Variants in SELENOF observed in about 807,000 individuals in gnomAD.
SELENOF encodes 15 kDa selenoprotein.
SELENOF carries 16 observed loss-of-function variants against 20.5 expected under a neutral mutation model. That is an observed-to-expected ratio of 0.78 (90% confidence interval 0.53 to 1.19). SELENOF has a LOEUF of 1.19. SELENOF is among the 50% of genes most tolerant of loss of function. The pLI, the probability that SELENOF is intolerant of heterozygous loss-of-function variation, is 0.00. For missense variants in SELENOF, 215 were observed against 194.2 expected, an observed-to-expected ratio of 1.11 and a Z score of -0.64; for synonymous variants, 78 against 74.5, an observed-to-expected ratio of 1.05 and a Z score of -0.24.
chr1:86,883,665 A>G (rs1335840649), intron 2 of SELENOF, among the ~76,000 whole-genome samples: 1 of 152,158 alleles, frequency 6.6e-6, no homozygotes, highest in Non-Finnish European at 1.5e-5. Context: ...ACCTTACCTA[A>G]TAATATTTCT....
upstream of SELENOF, chr1:86,914,366 A>C (rs1336549169): frequency 1.9e-6 from 1 of 530,798 alleles, no homozygotes; most frequent in African/African-American, 1.9e-5. Context: ...TATTCACGAC[A>C]CTTCGTCAAG....
intron 2 of SELENOF, among the ~76,000 whole-genome samples, chr1:86,888,760 T>A (rs1248625313): frequency 1.3e-5 from 2 of 152,124 alleles, no homozygotes; most frequent in African/African-American, 4.8e-5. Context: ...ACCTCCCAGG[T>A]TCAAGCGATT....
chr1:86,888,970 T>C (rs962020997), intron 2 of SELENOF, among the ~76,000 whole-genome samples: 1 of 152,208 alleles, frequency 6.6e-6, no homozygotes, highest in African/African-American at 2.4e-5. Flanking sequence ...ATTATAAATA[T>C]CTGAAAACAA....
intron 3 of SELENOF, among the ~76,000 whole-genome samples, chr1:86,880,290 C>T (rs1198889010): frequency 6.6e-6 from 1 of 152,020 alleles, no homozygotes; most frequent in South Asian, 2.1e-4. Flanking sequence ...CACCCGCCAC[C>T]GCGCCCAGCT....
At position 86,880,728 on chromosome 1, in the gene SELENOF, A is replaced by T; in HGVS notation, c.253-3T>A. 55 of 1,554,562 alleles carry T rather than the reference A, an allele frequency of 3.5e-5. No homozygotes were observed. Among genetic ancestry groups the T allele is most frequent in the Non-Finnish European group, 4.3e-5 (50 of 1,151,066 alleles). On this transcript the variant is annotated splice_region_variant and splice_polypyrimidine_tract_variant and intron_variant, in intron 2 of 4. Transcript: ENST00000331835. Reference sequence around the variant, plus strand: ...TCAAGAATAGCTCCTGCATACAGCTACAAAAGGAAAAACAGGAATTTAAAA... The same window carrying T: ...TCAAGAATAGCTCCTGCATACAGCTTCAAAAGGAAAAACAGGAATTTAAAA...
chr1:86,912,302 G>C (rs1012295350), intron 1 of SELENOF, among the ~76,000 whole-genome samples: 5 of 152,168 alleles, frequency 3.3e-5, no homozygotes, highest in South Asian at 2.1e-4. Context: ...AAGGAAAGGA[G>C]TCAAACATGA....
chr1:86,913,906 A>G, intron 1 of SELENOF, 122 bp downstream of exon 1: 4 of 881,154 alleles, frequency 4.5e-6, no homozygotes, highest in Non-Finnish European at 7.5e-6. Flanking sequence ...TTCTGGCCGC[A>G]GCAGTCATTA....
chr1:86,877,893 T>C (rs1225087829), intron 3 of SELENOF, among the ~76,000 whole-genome samples: 1 of 152,180 alleles, frequency 6.6e-6, no homozygotes, highest in African/African-American at 2.4e-5. Flanking sequence ...TGAAAACTTT[T>C]ACTATCTAGT....
At chr1:86,899,479 A>T (rs1397971973) in intron 2 of SELENOF, among the ~76,000 whole-genome samples, 1 of 119,126 alleles carries the variant, frequency 8.4e-6, no homozygotes, top group African/African-American at 3.9e-5. Context: ...CTCACTTCCC[A>T]GTAGGGGCGG....
At chr1:86,900,236 C>T (rs1256125366) in intron 2 of SELENOF, among the ~76,000 whole-genome samples, 8 of 151,978 alleles carry the variant, frequency 5.3e-5, no homozygotes, top group East Asian at 1.9e-4. Context: ...CCAAGGCAGG[C>T]GGCTGGGAGG....
intron 2 of SELENOF, among the ~76,000 whole-genome samples, chr1:86,886,263 G>A (rs985133047): frequency 1.3e-5 from 2 of 152,166 alleles, no homozygotes; most frequent in African/African-American, 4.8e-5. Flanking sequence ...CTACTCAAAT[G>A]ATTGTAATGG....
intron 1 of SELENOF, among the ~76,000 whole-genome samples, chr1:86,911,003 G>A (rs1244957789): frequency 6.6e-6 from 1 of 152,160 alleles, no homozygotes; most frequent in African/African-American, 2.4e-5. Context: ...TATACATCAA[G>A]TATAGTACTA....
At chr1:86,893,363 G>A (rs952957522) in intron 2 of SELENOF, among the ~76,000 whole-genome samples, 8 of 151,856 alleles carry the variant, frequency 5.3e-5, no homozygotes, top group Admixed American at 3.3e-4. Context: ...CCAGCACTTT[G>A]GGAGGCCAAG....
intron 2 of SELENOF, among the ~76,000 whole-genome samples, chr1:86,901,803 C>T (rs1659711972): frequency 6.6e-6 from 1 of 152,098 alleles, no homozygotes; most frequent in Admixed American, 6.6e-5. Flanking sequence ...TAAGAAAAGG[C>T]AGTAAGTAAA....
rs746781758 is a variant in SELENOF at position 86,868,115 on chromosome 1, GAAA to G, written c.317-16_317-14del. Reference sequence around the variant, plus strand: ...CTCCTAACAAAAGCTTATAAAAAAAGAAAAAAAGATTCAGTAGTTCACTTCCAA... The same window carrying G: ...CTCCTAACAAAAGCTTATAAAAAAAGAAAAGATTCAGTAGTTCACTTCCAA... On this transcript the variant is annotated splice_polypyrimidine_tract_variant and intron_variant, in intron 3 of 4. Coordinates refer to ENST00000331835, the MANE Select transcript of SELENOF (RefSeq NM_004261.5). 1 of 1,402,178 alleles carries G rather than the reference GAAA, an allele frequency of 7.1e-7. No homozygotes were observed. The highest frequency in any genetic ancestry group is 2.1e-5 in the Admixed American group (1 of 46,706). The allele number at this position is 1,402,178 out of a possible 1,614,324, so 86.9% of individuals were successfully genotyped here.
intron 1 of SELENOF, among the ~76,000 whole-genome samples, chr1:86,911,240 C>G (rs987388849): frequency 1.3e-5 from 2 of 152,090 alleles, no homozygotes; most frequent in Non-Finnish European, 2.9e-5. Flanking sequence ...CTACTAAGAA[C>G]AGAAAGAGAG....
chr1:86,869,683 G>A (rs1358415641), intron 3 of SELENOF, among the ~76,000 whole-genome samples: 7 of 152,000 alleles, frequency 4.6e-5, no homozygotes, highest in African/African-American at 1.7e-4. Flanking sequence ...AAATTAAAAG[G>A]TGTGTAATAC....
intron 1 of SELENOF, among the ~76,000 whole-genome samples, chr1:86,913,313 G>A (rs1389175311): frequency 6.6e-6 from 1 of 152,160 alleles, no homozygotes; most frequent in Non-Finnish European, 1.5e-5. Flanking sequence ...ACATGGATAT[G>A]AGAAGAAATA....
chr1:86,883,393 G>C (rs1474700567), intron 2 of SELENOF, among the ~76,000 whole-genome samples: 1 of 152,012 alleles, frequency 6.6e-6, no homozygotes. Flanking sequence ...TGTACTTAAT[G>C]CCATAGCACT....
Sources: allele counts gnomAD v4.1 joint callset (sites outside exome capture counted in the v4.1 genomes callset), GRCh38; gene constraint gnomAD v4.1.1; transcripts MANE v1.5; gene names NCBI Gene and HGNC (gene_info 2026-07-23, HGNC 2026-07-21).